SLCO1A2: variants seen among roughly 807,000 people sequenced by gnomAD.
SLCO1A2 encodes the protein OATP-1.
In SLCO1A2, 67 loss-of-function variants were observed where a neutral mutation model predicts 69.0. That is an observed-to-expected ratio of 0.97 (90% CI 0.80 to 1.19). The LOEUF is 1.19. Ranked by LOEUF, SLCO1A2 falls within the 50% of genes most tolerant of loss-of-function variation. The pLI is 0.00. For synonymous variants in SLCO1A2, 260 were observed against 265.9 expected (o/e 0.98, Z 0.22); for missense variants, 787 against 793.7 (o/e 0.99, Z 0.10).
chr12:21,415,873 CTTTTA>C (rs951337296), intron 1 of SLCO1A2, among the ~76,000 whole-genome samples: 5 of 152,006 alleles, frequency 3.3e-5, no homozygotes, highest in Non-Finnish European at 5.9e-5. Context: ...CTTGGCTCCT[CTTTTA>C]TATTTTCCTA....
At chr12:21,417,404 A>G (rs926727175) in intron 1 of SLCO1A2, among the ~76,000 whole-genome samples, 1 of 149,800 alleles carries the variant, frequency 6.7e-6, no homozygotes, top group African/African-American at 2.5e-5. Context: ...TTTAAGTTAC[A>G]TCTTTCATAG....
intron 12 of SLCO1A2, among the ~76,000 whole-genome samples, chr12:21,277,778 A>T (rs1476802296): frequency 6.6e-6 from 1 of 152,150 alleles, no homozygotes; most frequent in East Asian, 1.9e-4. Context: ...CTCCTATGAG[A>T]ATCTAATGCT....
chr12:21,359,759 A>AAT (rs1352066675), intron 2 of SLCO1A2, among the ~76,000 whole-genome samples: 1 of 152,128 alleles, frequency 6.6e-6, no homozygotes, highest in East Asian at 1.9e-4. Flanking sequence ...AAAAAAAAAA[A>AAT]AAATCAATGG....
At chr12:21,373,762 A>G in intron 2 of SLCO1A2, 2 of 687,746 alleles carry the variant, frequency 2.9e-6, no homozygotes, top group Non-Finnish European at 5.3e-6. Context: ...TTAACCTGAT[A>G]CTGAAACAAA....
chr12:21,299,554 C>T (rs191684086), intron 8 of SLCO1A2, among the ~76,000 whole-genome samples: 163 of 150,016 alleles, frequency 1.1e-3, no homozygotes, highest in Non-Finnish European at 1.6e-3. Flanking sequence ...GGTGGGTCAC[C>T]GATCATGTTT....
intron 1 of SLCO1A2, among the ~76,000 whole-genome samples, chr12:21,412,566 A>T (rs1281695653): frequency 1.3e-5 from 2 of 152,128 alleles, no homozygotes; most frequent in Non-Finnish European, 2.9e-5. Flanking sequence ...CTATTTTGTT[A>T]GGTTTTTAAA....
chr12:21,299,819 C>T (rs796591201), intron 8 of SLCO1A2, among the ~76,000 whole-genome samples: 11 of 125,114 alleles, frequency 8.8e-5, no homozygotes, highest in African/African-American at 3.4e-4. Flanking sequence ...TACACACACA[C>T]ATATACACAC....
In SLCO1A2 at chr12:21,304,590, AGACAT is replaced by A; in HGVS notation, c.443-22_443-18del. ...TTGTACACTCTGCATTAAAAAAAAA[AGACAT>A]GACATTAGTGCTTTGACGATAAAGT... On this transcript the variant is annotated intron_variant, in intron 5 of 14. Coordinates refer to ENST00000683939, the MANE Select transcript of SLCO1A2 (RefSeq NM_001386879.1). The A allele has an allele frequency of 1.3e-6, 2 of 1,532,508 alleles. No homozygotes were observed. The highest frequency in any genetic ancestry group is 1.8e-6 in the Non-Finnish European group (2 of 1,125,338). 94.9% of individuals were successfully genotyped at this position (1,532,508 alleles called of 1,614,324 possible). A position where few individuals can be genotyped will look rare whatever the true frequency, so the allele number is the denominator to read the frequency against.
chr12:21,362,276 A>G (rs1938968028), intron 2 of SLCO1A2, among the ~76,000 whole-genome samples: 1 of 152,212 alleles, frequency 6.6e-6, no homozygotes. Flanking sequence ...TTTTCAACCC[A>G]GAATTTCATA....
chr12:21,296,655 A>C (rs1947758651), intron 9 of SLCO1A2, among the ~76,000 whole-genome samples: 1 of 152,180 alleles, frequency 6.6e-6, no homozygotes. Context: ...TAAGTGAAAA[A>C]AAAGAATAGA....
chr12:21,337,543 T>A (rs1457407723), upstream of SLCO1A2, among the ~76,000 whole-genome samples: 2 of 150,604 alleles, frequency 1.3e-5, no homozygotes, highest in East Asian at 1.9e-4. Flanking sequence ...AAAAAAAAAA[T>A]TTACACTAGC....
chr12:21,293,030 C>T (rs112828357), intron 11 of SLCO1A2, among the ~76,000 whole-genome samples: 2,325 of 152,264 alleles, frequency 0.015, 52 homozygotes, highest in African/African-American at 0.053. Context: ...TTCAGCAGGG[C>T]GCAGTGGCTT....
intron 1 of SLCO1A2, among the ~76,000 whole-genome samples, chr12:21,375,612 A>T (rs1940136079): frequency 6.6e-6 from 1 of 152,232 alleles, no homozygotes; most frequent in African/African-American, 2.4e-5. Context: ...GATAGTTAAA[A>T]ATATAATTAC....
At chr12:21,313,982 T>TA (rs71043263) in intron 4 of SLCO1A2, among the ~76,000 whole-genome samples, 50,937 of 136,278 alleles carry the variant, frequency 0.37, 10,198 homozygotes, top group Admixed American at 0.49. Flanking sequence ...TAATAAATAA[T>TA]AAAAAAAAAA....
intron 4 of SLCO1A2, among the ~76,000 whole-genome samples, chr12:21,307,609 TA>T (rs919098968): frequency 1.4e-3 from 217 of 152,224 alleles, no homozygotes; most frequent in African/African-American, 5.1e-3. Flanking sequence ...TATGACCATT[TA>T]ATTTAAGCAA....
intron 1 of SLCO1A2, among the ~76,000 whole-genome samples, chr12:21,411,859 A>AT (rs892794150): frequency 1.1e-4 from 17 of 151,780 alleles, no homozygotes; most frequent in African/African-American, 3.6e-4. Context: ...AATTTTTTGC[A>AT]TTTTTTTGTA....
chr12:21,343,893 C>T (rs1953161129), intron 2 of SLCO1A2, among the ~76,000 whole-genome samples: 1 of 152,082 alleles, frequency 6.6e-6, no homozygotes, highest in Admixed American at 6.6e-5. Context: ...ACTAGATGGA[C>T]ACTTACTGTG....
intron 1 of SLCO1A2, among the ~76,000 whole-genome samples, chr12:21,394,458 T>C (rs1941321080): frequency 6.6e-6 from 1 of 150,984 alleles, no homozygotes; most frequent in South Asian, 2.1e-4. Flanking sequence ...GGAGGATCTC[T>C]TTAGCTCAGG....
At chr12:21,378,738 G>A (rs1161272674) in intron 1 of SLCO1A2, 1 of 253,828 alleles carries the variant, frequency 3.9e-6, no homozygotes, top group East Asian at 8.4e-5. Context: ...TTGAACCTTG[G>A]TAAATTGTAA....
Sources: gnomAD v4.1 joint callset for allele counts (sites outside exome capture counted in the v4.1 genomes callset) on GRCh38, gnomAD v4.1.1 for gene constraint, MANE v1.5 for transcripts, NCBI Gene and HGNC (gene_info 2026-07-23, HGNC 2026-07-21) for gene names.